The following EDARADD variants were observed in gnomAD, a reference collection of about 807,000 sequenced individuals.
EDARADD encodes the protein ectodysplasin-A receptor-associated adapter protein.
EDARADD carries 20 observed loss-of-function variants against 25.6 expected under a neutral mutation model. The observed-to-expected ratio is 0.78, with a 90% CI of 0.55 to 1.14. EDARADD has a LOEUF of 1.14. Among genes scored for constraint, EDARADD ranks in the 50% most tolerant of loss-of-function variants. EDARADD has a pLI of 0.00. For missense variants in EDARADD, 225 were observed against 270.1 expected (o/e 0.83, Z 1.17); for synonymous variants, 86 against 94.4 (o/e 0.91, Z 0.52).
chr1:236,465,726 T>C (rs1464958535), intron 4 of EDARADD, among the ~76,000 whole-genome samples: 2 of 152,216 alleles, frequency 1.3e-5, no homozygotes, highest in African/African-American at 4.8e-5. Context: ...TTTTTACATA[T>C]TAGCTGCTCA....
intron 4 of EDARADD, among the ~76,000 whole-genome samples, chr1:236,442,087 C>T (rs1348946837): frequency 6.6e-6 from 1 of 151,838 alleles, no homozygotes; most frequent in Non-Finnish European, 1.5e-5. Context: ...GACGAAACAA[C>T]CTTTCACTGG....
chr1:236,462,337 T>C (rs1046663182), intron 4 of EDARADD, among the ~76,000 whole-genome samples: 5 of 152,000 alleles, frequency 3.3e-5, no homozygotes, highest in African/African-American at 7.2e-5. Context: ...TCAGATCTTA[T>C]GAGTACACAG....
chr1:236,381,800 G>GTTTTTT (rs1558105353), intron 3 of EDARADD, among the ~76,000 whole-genome samples: 11 of 16,908 alleles, frequency 6.5e-4, no homozygotes, highest in South Asian at 2.2e-3. Flanking sequence ...TCCTGTGGTT[G>GTTTTTT]CTTTTTTTTT....
intron 5 of EDARADD, among the ~76,000 whole-genome samples, chr1:236,473,210 A>G (rs1036438870): frequency 6.6e-6 from 1 of 152,186 alleles, no homozygotes; most frequent in Non-Finnish European, 1.5e-5. Flanking sequence ...ATATGGTGGT[A>G]GGTGCCTTGA....
chr1:236,405,079 G>GTGA (rs1260230733), intron 1 of EDARADD, among the ~76,000 whole-genome samples: 1 of 152,082 alleles, frequency 6.6e-6, no homozygotes, highest in Non-Finnish European at 1.5e-5. Context: ...GGGCGACAGA[G>GTGA]TGAGACTCCA....
At chr1:236,442,442 G>A (rs1372421624) in intron 4 of EDARADD, among the ~76,000 whole-genome samples, 1 of 152,164 alleles carries the variant, frequency 6.6e-6, no homozygotes, top group Non-Finnish European at 1.5e-5. Flanking sequence ...CACCAAGCCT[G>A]GCCATCTAGG....
intron 3 of EDARADD, among the ~76,000 whole-genome samples, chr1:236,351,980 G>T (rs624447): frequency 6.6e-6 from 1 of 151,848 alleles, no homozygotes. Context: ...CATGGCGCTG[G>T]GGGGTGTGTG....
intron 4 of EDARADD, among the ~76,000 whole-genome samples, chr1:236,455,954 T>A (rs1658849742): frequency 6.6e-6 from 1 of 152,184 alleles, no homozygotes; most frequent in Non-Finnish European, 1.5e-5. Flanking sequence ...CACGTCTGGC[T>A]CATCTTTTGT....
chr1:236,433,550 A>G (rs946326604), intron 4 of EDARADD, among the ~76,000 whole-genome samples: 4 of 151,744 alleles, frequency 2.6e-5, no homozygotes, highest in African/African-American at 9.7e-5. Context: ...ACCTCAGGTG[A>G]TCCACCCACC....
chr1:236,361,550 G>A (rs1048096869), intron 3 of EDARADD, among the ~76,000 whole-genome samples: 2 of 150,500 alleles, frequency 1.3e-5, no homozygotes, highest in South Asian at 4.2e-4. Context: ...GGCTGGTCTC[G>A]AACTCCTGAC....
rs1658745453 is a variant in EDARADD, at chr1:236,452,637, T to C, written c.220-15594T>C. Among the ~76,000 whole-genome samples the C allele has an allele frequency of 2.0e-5, 3 of 152,288 alleles. No homozygotes were observed. The South Asian group carries it at 6.2e-4, about 32-fold the overall frequency. On this transcript the variant is annotated intron_variant, in intron 4 of 5. Coordinates refer to ENST00000334232, the MANE Select transcript of EDARADD (RefSeq NM_145861.4). ...CAATTAAACCTCTTTTCTTTATAAA[T>C]TACCCAGTCTCAGGCAGTTCTTTAC...
chr1:236,415,072 G>C (rs146484999), intron 3 of EDARADD, among the ~76,000 whole-genome samples: 2 of 152,148 alleles, frequency 1.3e-5, no homozygotes, highest in African/African-American at 4.8e-5. Flanking sequence ...TTCTCAAGGT[G>C]GTGGAGGAAG....
At chr1:236,428,165 G>A (rs1462411971) in intron 4 of EDARADD, among the ~76,000 whole-genome samples, 2 of 151,924 alleles carry the variant, frequency 1.3e-5, no homozygotes, top group Non-Finnish European at 2.9e-5. Flanking sequence ...TTAGGGAGTG[G>A]TGATGACTCT....
Position 236,483,684 on chromosome 1 carries a change from G to C in EDARADD, c.*1035G>C, listed in dbSNP as rs758471217. On this transcript the variant is annotated 3_prime_UTR_variant, in exon 6 of 6. Transcript: ENST00000334232. ...GCAGGAGTTCATGGTCCTCCCAGTCGGTGCAGCAAACTTCAGGGAAGCCAT... is the reference window on the plus strand; with the variant it reads ...GCAGGAGTTCATGGTCCTCCCAGTCCGTGCAGCAAACTTCAGGGAAGCCAT... 3 of 1,570,470 alleles carry C rather than the reference G, an allele frequency of 1.9e-6. No homozygotes were observed. Among genetic ancestry groups the C allele is most frequent in the African/African-American group, 2.7e-5 (2 of 73,874 alleles).
intron 3 of EDARADD, among the ~76,000 whole-genome samples, chr1:236,415,776 G>T (rs1048485846): frequency 3.9e-5 from 6 of 152,160 alleles, no homozygotes; most frequent in Non-Finnish European, 8.8e-5. Flanking sequence ...AGGCCAAGTT[G>T]CAGGTTGTCA....
intron 4 of EDARADD, among the ~76,000 whole-genome samples, chr1:236,465,730 C>CT (rs1196413630): frequency 6.6e-6 from 1 of 152,152 alleles, no homozygotes; most frequent in Non-Finnish European, 1.5e-5. Flanking sequence ...TACATATTAG[C>CT]TGCTCAATAA....
At chr1:236,447,019 A>AGCAGG (rs1198995950) in intron 4 of EDARADD, among the ~76,000 whole-genome samples, 1 of 152,196 alleles carries the variant, frequency 6.6e-6, no homozygotes. Context: ...GAGGGGGCAT[A>AGCAGG]GCAGGGCAGG....
chr1:236,460,173 C>T (rs1384488298), intron 4 of EDARADD, among the ~76,000 whole-genome samples: 1 of 149,102 alleles, frequency 6.7e-6, no homozygotes, highest in African/African-American at 2.5e-5. Context: ...AAATACATTT[C>T]TTCTTTTTCT....
At position 236,483,753 on chromosome 1, in the gene EDARADD, A is replaced by G; in HGVS notation, c.*1104A>G. ...TTACCACAGCCTGAAGAATGTCATC[A>G]AGGAGAAATATGGGAAAGATGCCAC... On this transcript the variant is annotated 3_prime_UTR_variant, in exon 6 of 6. Coordinates refer to ENST00000334232, the MANE Select transcript of EDARADD (RefSeq NM_145861.4). 1 of 1,499,274 alleles carries G rather than the reference A, an allele frequency of 6.7e-7. No homozygotes were observed. Among genetic ancestry groups the G allele is most frequent in the Non-Finnish European group, 9.3e-7 (1 of 1,077,356 alleles). The allele number at this position is 1,499,274 out of a possible 1,614,324, so 92.9% of individuals were successfully genotyped here. A position where few individuals can be genotyped will look rare whatever the true frequency, so the allele number is the denominator to read the frequency against.
Sources: allele counts gnomAD v4.1 joint callset (sites outside exome capture counted in the v4.1 genomes callset), GRCh38; gene constraint gnomAD v4.1.1; transcripts MANE v1.5; gene names NCBI Gene and HGNC (gene_info 2026-07-23, HGNC 2026-07-21).